The following PDE11A variants were observed in gnomAD, a reference collection of about 807,000 sequenced individuals.
PDE11A encodes dual 3',5'-cyclic-AMP and -GMP phosphodiesterase 11A.
PDE11A carries 100 observed loss-of-function variants against 100.5 expected under a neutral mutation model. The ratio of observed to expected loss-of-function variants is 1.00; its 90% CI spans 0.85 to 1.18. The LOEUF (loss-of-function observed/expected upper bound fraction) is 1.18. PDE11A is among the 50% of genes most tolerant of loss of function. The probability of loss-of-function intolerance (pLI) is 0.00; values close to 1 mark genes in which losing one functional copy is unlikely to be tolerated. For synonymous variants in PDE11A, 381 were observed against 420.8 expected (o/e 0.91, Z 1.16); for missense variants, 1,141 against 1,152.6 (o/e 0.99, Z 0.15).
At chr2:177,785,559 T>G (rs550870600) in intron 9 of PDE11A, among the ~76,000 whole-genome samples, 2 of 152,258 alleles carry the variant, frequency 1.3e-5, no homozygotes, top group African/African-American at 4.8e-5. Context: ...CAGTGCACCA[T>G]GCATGAGCCG....
chr2:177,761,876 A>T (rs1376590810), intron 10 of PDE11A, among the ~76,000 whole-genome samples: 1 of 152,236 alleles, frequency 6.6e-6, no homozygotes, highest in Non-Finnish European at 1.5e-5. Flanking sequence ...TGTCCAATTA[A>T]ATAATTCGAA....
At chr2:177,711,491 GA>G (rs1457517275) in intron 13 of PDE11A, among the ~76,000 whole-genome samples, 1 of 152,178 alleles carries the variant, frequency 6.6e-6, no homozygotes, top group East Asian at 1.9e-4. Context: ...AATATTCTGG[GA>G]GGAAAAAAGT....
intron 1 of PDE11A, among the ~76,000 whole-genome samples, chr2:178,051,725 A>G (rs545606073): frequency 6.6e-6 from 1 of 152,330 alleles, no homozygotes; most frequent in East Asian, 1.9e-4. Flanking sequence ...AGTCTCTGAT[A>G]AAACAGACTT....
intron 17 of PDE11A, among the ~76,000 whole-genome samples, chr2:177,674,103 C>A (rs910713569): frequency 2.0e-5 from 3 of 152,128 alleles, no homozygotes; most frequent in Non-Finnish European, 2.9e-5. Context: ...TGTGAAGGAA[C>A]CCATAACACA....
intron 2 of PDE11A, among the ~76,000 whole-genome samples, chr2:177,996,148 A>T (rs550721639): frequency 2.2e-4 from 34 of 152,122 alleles, no homozygotes; most frequent in African/African-American, 7.5e-4. Flanking sequence ...AATCACCTGA[A>T]CCTGGGAGGT....
At chr2:177,750,532 CT>C (rs1405914486) in intron 10 of PDE11A, among the ~76,000 whole-genome samples, 1 of 152,258 alleles carries the variant, frequency 6.6e-6, no homozygotes, top group Non-Finnish European at 1.5e-5. Flanking sequence ...AAGATTCTCT[CT>C]GCCTTTCTTT....
At chr2:178,042,478 A>AG (rs1491150164) in intron 1 of PDE11A, among the ~76,000 whole-genome samples, 1 of 5,700 alleles carries the variant, frequency 1.8e-4, no homozygotes, top group Non-Finnish European at 4.9e-4. Context: ...ACTCTGTCTC[A>AG]AAAAAAAAAA....
chr2:178,084,999 C>G (rs1463479180), intron 2 of PDE11A, among the ~76,000 whole-genome samples: 3 of 152,314 alleles, frequency 2.0e-5, no homozygotes, highest in African/African-American at 7.2e-5. Flanking sequence ...TTATGCCACA[C>G]AAGTGGGAAT....
intron 11 of PDE11A, 57 bp from the exon 12 acceptor site, chr2:177,727,822 T>C: frequency 9.3e-7 from 1 of 1,079,804 alleles, no homozygotes. Flanking sequence ...AGTGGACCCT[T>C]ATCTCAATGG....
intron 1 of PDE11A, among the ~76,000 whole-genome samples, chr2:178,063,120 A>C (rs1392880520): frequency 1.3e-5 from 2 of 152,228 alleles, no homozygotes; most frequent in African/African-American, 4.8e-5. Flanking sequence ...TTTCACAGAG[A>C]CCCAATGTAT....
intron 2 of PDE11A, among the ~76,000 whole-genome samples, chr2:178,080,565 A>AAGG (rs1475141200): frequency 1.3e-5 from 2 of 152,176 alleles, no homozygotes; most frequent in Non-Finnish European, 2.9e-5. Flanking sequence ...GAAGAAGAAG[A>AAGG]AGGGTAGAAA....
chr2:178,067,339 T>C (rs1274416913), intron 1 of PDE11A, among the ~76,000 whole-genome samples: 1 of 152,218 alleles, frequency 6.6e-6, no homozygotes, highest in East Asian at 1.9e-4. Flanking sequence ...TTGGTGAAGT[T>C]CAAACTCTTT....
chr2:177,649,259 T>A (rs547831533), intron 19 of PDE11A, among the ~76,000 whole-genome samples: 1 of 152,294 alleles, frequency 6.6e-6, no homozygotes, highest in South Asian at 2.1e-4. Context: ...CCAGTTATCT[T>A]ATTTCTTGGT....
At chr2:178,057,977 C>A (rs1179896793) in intron 1 of PDE11A, among the ~76,000 whole-genome samples, 1 of 152,110 alleles carries the variant, frequency 6.6e-6, no homozygotes, top group Non-Finnish European at 1.5e-5. Context: ...CCTGCCTCAG[C>A]CCCCCTAGTA....
At chr2:178,033,466 A>C (rs2086573437) in intron 1 of PDE11A, among the ~76,000 whole-genome samples, 1 of 152,216 alleles carries the variant, frequency 6.6e-6, no homozygotes, top group Non-Finnish European at 1.5e-5. Context: ...ACCAAGTTGG[A>C]AAACACACTT....
At chr2:177,830,741 A>G (rs1245104369) in intron 6 of PDE11A, among the ~76,000 whole-genome samples, 1 of 151,758 alleles carries the variant, frequency 6.6e-6, no homozygotes, top group Non-Finnish European at 1.5e-5. Context: ...GTCTTCAGAA[A>G]CACACATGGA....
At chr2:177,962,646 A>G (rs1361813241) in intron 2 of PDE11A, among the ~76,000 whole-genome samples, 1 of 152,174 alleles carries the variant, frequency 6.6e-6, no homozygotes, top group Non-Finnish European at 1.5e-5. Flanking sequence ...CCAAGCATAC[A>G]TGAAAGATGA....
Position 178,072,274 on chromosome 2 carries a change from A to G in PDE11A, c.164T>C (p.Leu55Ser). 1 of 1,613,818 alleles carries G rather than the reference A, an allele frequency of 6.2e-7. No homozygotes were observed. The change falls in exon 1 of 20, where the codon TTG becomes TCG. Residue 55 changes from leucine to serine, a missense_variant. By Grantham distance (145) the Leu-to-Ser change is moderately radical (BLOSUM62 -2). Transcript: ENST00000286063. ...GTGAGCCAAGCTGCTGGTACCAGCC[A>G]AAGAGGGCCTTGGACCTAAAGCCCC... ...GQGALGPRPS[L>S]AGTSSLAHST...
At chr2:177,659,290 T>C in intron 19 of PDE11A, among the ~76,000 whole-genome samples, 1 of 120,204 alleles carries the variant, frequency 8.3e-6, no homozygotes. Context: ...AAAAAAAAAG[T>C]GAAGGCAGAG....
Sources: gnomAD v4.1 joint callset for allele counts (sites outside exome capture counted in the v4.1 genomes callset) on GRCh38, gnomAD v4.1.1 for gene constraint, MANE v1.5 for transcripts, NCBI Gene and HGNC (gene_info 2026-07-23, HGNC 2026-07-21) for gene names.